The following CALN1 variants were observed in gnomAD, a reference collection of about 807,000 sequenced individuals.
CALN1 encodes the protein calcium-binding protein 8.
Under a neutral mutation model 30.6 loss-of-function variants are expected in CALN1, and 17 were observed. The ratio of observed to expected loss-of-function variants is 0.56; its 90% CI spans 0.38 to 0.83. CALN1 has a LOEUF of 0.83. Among genes scored for constraint, CALN1 ranks in the 40% least tolerant of loss-of-function variants. The pLI is 0.00. For missense variants in CALN1, 291 were observed against 354.9 expected (o/e 0.82, Z 1.45); for synonymous variants, 156 against 131.4 (o/e 1.19, Z -1.28).
At chr7:72,142,040 C>A (rs940534808) in intron 3 of CALN1, among the ~76,000 whole-genome samples, 3 of 152,192 alleles carry the variant, frequency 2.0e-5, no homozygotes, top group African/African-American at 4.8e-5. Context: ...CAGCTCCCAG[C>A]GTGAGCGACG....
intron 3 of CALN1, among the ~76,000 whole-genome samples, chr7:72,211,864 T>C (rs188127355): frequency 2.6e-5 from 4 of 152,236 alleles, no homozygotes; most frequent in Admixed American, 2.6e-4. Context: ...TATGATAGTG[T>C]TGTGCAGAGA....
chr7:72,412,875 A>C (rs551647599), upstream of CALN1, among the ~76,000 whole-genome samples: 35 of 152,300 alleles, frequency 2.3e-4, no homozygotes, highest in South Asian at 4.1e-3. Flanking sequence ...CACCCAGACC[A>C]TGGAGGCCAC....
At chr7:71,853,111 C>T (rs1036468695) in intron 5 of CALN1, among the ~76,000 whole-genome samples, 2 of 151,812 alleles carry the variant, frequency 1.3e-5, no homozygotes, top group Non-Finnish European at 2.9e-5. Context: ...GCATCTCACT[C>T]TGTCACCCAG....
chr7:72,393,770 G>T (rs575705172), intron 2 of CALN1, among the ~76,000 whole-genome samples: 60 of 136,532 alleles, frequency 4.4e-4, no homozygotes, highest in African/African-American at 1.5e-3. Context: ...TCTATTTTGA[G>T]ACAGAGTCTC....
intron 2 of CALN1, among the ~76,000 whole-genome samples, chr7:72,281,669 G>C (rs1323786623): frequency 6.6e-6 from 1 of 152,140 alleles, no homozygotes; most frequent in Non-Finnish European, 1.5e-5. Flanking sequence ...GACCCACTAA[G>C]GTCGGTACAA....
At chr7:71,868,124 C>T (rs1394392304) in intron 5 of CALN1, among the ~76,000 whole-genome samples, 1 of 152,092 alleles carries the variant, frequency 6.6e-6, no homozygotes, top group African/African-American at 2.4e-5. Context: ...ATCCTAGAAT[C>T]AGTATAATTC....
intron 3 of CALN1, among the ~76,000 whole-genome samples, chr7:72,237,031 T>C (rs1794517494): frequency 6.8e-6 from 1 of 148,062 alleles, no homozygotes. Context: ...GTTGCCCAAG[T>C]TGGAATGCAA....
intron 3 of CALN1, among the ~76,000 whole-genome samples, chr7:72,207,140 C>A: frequency 6.6e-6 from 1 of 152,164 alleles, no homozygotes; most frequent in East Asian, 1.9e-4. Flanking sequence ...CATGACATGA[C>A]TAGCAAGGGC....
chr7:72,317,313 G>A (rs182589294), intron 2 of CALN1, among the ~76,000 whole-genome samples: 36 of 152,028 alleles, frequency 2.4e-4, no homozygotes, highest in African/African-American at 8.2e-4. Flanking sequence ...GAGGGAAGGT[G>A]TTTCCAAATG....
At chr7:72,242,759 G>A (rs1794922678) in intron 3 of CALN1, among the ~76,000 whole-genome samples, 2 of 152,044 alleles carry the variant, frequency 1.3e-5, no homozygotes, top group Admixed American at 1.3e-4. Flanking sequence ...GTGGTGGCAT[G>A]TGCCTGTAAT....
At chr7:72,125,768 C>T (rs1019906891) in intron 3 of CALN1, among the ~76,000 whole-genome samples, 1 of 151,362 alleles carries the variant, frequency 6.6e-6, no homozygotes, top group African/African-American at 2.4e-5. Context: ...ACCTTCCTGT[C>T]CTCCCCAAGT....
intron 3 of CALN1, among the ~76,000 whole-genome samples, chr7:72,261,137 T>G (rs1311631532): frequency 6.6e-6 from 1 of 151,844 alleles, no homozygotes; most frequent in Non-Finnish European, 1.5e-5. Context: ...GTGAAACCCA[T>G]CTCTACAAAA....
intron 4 of CALN1, among the ~76,000 whole-genome samples, chr7:72,071,209 T>C (rs1804369917): frequency 6.6e-6 from 1 of 152,274 alleles, no homozygotes. Flanking sequence ...GCAGCTTGCA[T>C]GCAGCCAGCA....
the CALN1 span, among the ~76,000 whole-genome samples, chr7:72,489,264 C>T: frequency 1.7e-4 from 26 of 152,314 alleles, no homozygotes; most frequent in South Asian, 1.0e-3. Context: ...AAAAGAATCA[C>T]GATAGCTTTT....
chr7:72,487,910 GAAAGAAA>G, the CALN1 span, among the ~76,000 whole-genome samples: 13 of 70,728 alleles, frequency 1.8e-4, no homozygotes, highest in African/African-American at 8.8e-4. Context: ...AAGAAAGAAA[GAAAGAAA>G]GAAGGAAGGA....
chr7:72,160,339 T>C (rs1387338849), intron 3 of CALN1, among the ~76,000 whole-genome samples: 2 of 151,678 alleles, frequency 1.3e-5, no homozygotes, highest in Non-Finnish European at 2.9e-5. Flanking sequence ...AGTGCAGTAG[T>C]GCAATCTAGT....
intron 1 of CALN1, among the ~76,000 whole-genome samples, chr7:72,440,312 A>AT (rs1440435737): frequency 1.3e-5 from 2 of 152,098 alleles, no homozygotes; most frequent in East Asian, 3.9e-4. Flanking sequence ...GCACTGGTAA[A>AT]TTTTTTTAAG....
chr7:71,922,520 C>T (rs1051534584), intron 5 of CALN1, among the ~76,000 whole-genome samples: 35 of 139,500 alleles, frequency 2.5e-4, no homozygotes, highest in African/African-American at 8.3e-4. Flanking sequence ...CAATATATAA[C>T]ACACAGAATA....
intron 2 of CALN1, among the ~76,000 whole-genome samples, chr7:72,305,624 C>T (rs542367182): frequency 2.4e-4 from 36 of 152,216 alleles, no homozygotes; most frequent in Non-Finnish European, 3.7e-4. Flanking sequence ...ATTTGATCTA[C>T]GGGAAATAAC....
Sources: gnomAD v4.1 joint callset for allele counts (sites outside exome capture counted in the v4.1 genomes callset) on GRCh38, gnomAD v4.1.1 for gene constraint, MANE v1.5 for transcripts, NCBI Gene and HGNC (gene_info 2026-07-23, HGNC 2026-07-21) for gene names.